The following BRINP3 variants were observed in gnomAD, a reference collection of about 807,000 sequenced individuals.
The protein encoded by BRINP3 is BMP/retinoic acid-inducible neural-specific protein 3.
Under a neutral mutation model 71.0 loss-of-function variants are expected in BRINP3, and 19 were observed. That is an observed-to-expected ratio of 0.27 (90% CI 0.19 to 0.39). BRINP3 has a LOEUF of 0.39. Among genes scored for constraint, BRINP3 ranks in the 10% least tolerant of loss-of-function variants. BRINP3 has a pLI of 1.00. For synonymous variants in BRINP3, 380 were observed against 337.7 expected (o/e 1.13, Z -1.37); for missense variants, 959 against 940.8 (o/e 1.02, Z -0.25).
chr1:190,136,397 T>C (rs1001988446), intron 7 of BRINP3, among the ~76,000 whole-genome samples: 3 of 152,256 alleles, frequency 2.0e-5, no homozygotes, highest in Non-Finnish European at 4.4e-5. Context: ...GCTATGTACC[T>C]AGCCACCACA....
At chr1:190,100,786 T>C (rs1262585552) in intron 7 of BRINP3, among the ~76,000 whole-genome samples, 4 of 152,196 alleles carry the variant, frequency 2.6e-5, no homozygotes, top group Admixed American at 2.6e-4. Flanking sequence ...TTTAATTATT[T>C]CTTATACTGA....
In BRINP3 at chr1:190,156,662, G is replaced by A. The variant is rs867084483; in HGVS notation, c.1184+4006C>T. Among the ~76,000 whole-genome samples the A allele has an allele frequency of 7.1e-4, 108 of 152,070 alleles. 1 individual carries two copies. The highest frequency in any genetic ancestry group is 6.8e-3 in the Middle Eastern group (2 of 292). The stretch of plus-strand genomic sequence containing the variant: ...AATAAACAAATTTATCTAGCAAGAA[G>A]TCTGCATTGTTTTTGTGTGTGTGGT... On this transcript the variant is annotated intron_variant, in intron 7 of 7. Transcript: ENST00000367462.
chr1:190,384,643 T>C (rs2102269556), intron 2 of BRINP3, among the ~76,000 whole-genome samples: 1 of 151,964 alleles, frequency 6.6e-6, no homozygotes, highest in Non-Finnish European at 1.5e-5. Flanking sequence ...CTTACTTTAT[T>C]TGTACCTCAA....
At chr1:190,304,026 A>G (rs1664917487) in intron 2 of BRINP3, among the ~76,000 whole-genome samples, 1 of 151,774 alleles carries the variant, frequency 6.6e-6, no homozygotes, top group Admixed American at 6.6e-5. Flanking sequence ...CAAATAAAAT[A>G]AATGTTTAAT....
rs191054249 is a variant in BRINP3 at position 190,462,892 on chromosome 1, G to A, written c.-50-7952C>T. On this transcript the variant is annotated intron_variant, in intron 1 of 7. Transcript: ENST00000367462. ...ATACTATTATCTCAAGCTATTAAAA[G>A]CAAGCAAGTGTTCTGAGTAACTACA... Among the ~76,000 whole-genome samples, 145 of 152,120 alleles carry A rather than the reference G, an allele frequency of 9.5e-4. 1 individual carries two copies. The highest frequency in any genetic ancestry group is 1.6e-4 in the Non-Finnish European group (11 of 67,914).
intron 2 of BRINP3, among the ~76,000 whole-genome samples, chr1:190,284,867 T>C (rs116374021): frequency 0.015 from 2,291 of 152,156 alleles, 74 homozygotes; most frequent in African/African-American, 0.051. Context: ...AAAAATATTT[T>C]CTTAATTTCA....
At chr1:190,410,581 T>C (rs553943981) in intron 2 of BRINP3, among the ~76,000 whole-genome samples, 2 of 151,708 alleles carry the variant, frequency 1.3e-5, no homozygotes, top group East Asian at 1.9e-4. Flanking sequence ...ATAGAGAATA[T>C]AGGAATGTAA....
chr1:190,454,901 G>A lies in BRINP3; in HGVS notation c.-11C>T. On this transcript the variant is annotated 5_prime_UTR_variant, in exon 2 of 8. Transcript: ENST00000367462. ...GCTTCGCCATATCATGCTTCCACTG[G>A]GGATTTAGAGCCTTCATTCTCTCAG... 1 of 1,606,322 alleles carries A rather than the reference G, an allele frequency of 6.2e-7. No homozygotes were observed. The highest frequency in any genetic ancestry group is 8.5e-7 in the Non-Finnish European group (1 of 1,173,438).
At chr1:190,314,640 G>A (rs1441780952) in intron 2 of BRINP3, among the ~76,000 whole-genome samples, 1 of 152,114 alleles carries the variant, frequency 6.6e-6, no homozygotes, top group East Asian at 1.9e-4. Flanking sequence ...CCTCCAGAAG[G>A]AATTCAGCAC....
At chr1:190,184,050 A>T (rs539543262) in intron 6 of BRINP3, among the ~76,000 whole-genome samples, 1 of 152,248 alleles carries the variant, frequency 6.6e-6, no homozygotes, top group East Asian at 1.9e-4. Flanking sequence ...TATATAGTGC[A>T]TGATATATGA....
At chr1:190,270,339 A>G (rs2102894355) in intron 3 of BRINP3, among the ~76,000 whole-genome samples, 1 of 151,316 alleles carries the variant, frequency 6.6e-6, no homozygotes, top group South Asian at 2.1e-4. Context: ...ATTATTTATT[A>G]TTTATTTATA....
intron 2 of BRINP3, among the ~76,000 whole-genome samples, chr1:190,305,855 T>A (rs1665059132): frequency 6.6e-6 from 1 of 151,910 alleles, no homozygotes; most frequent in Non-Finnish European, 1.5e-5. Flanking sequence ...TTATCCTGAT[T>A]TGATCATTAC....
chr1:190,162,457 T>A (rs1651091412), intron 6 of BRINP3, among the ~76,000 whole-genome samples: 1 of 151,400 alleles, frequency 6.6e-6, no homozygotes, highest in African/African-American at 2.4e-5. Flanking sequence ...AATTCCAATT[T>A]GATCATATCC....
chr1:190,105,718 G>A (rs185439081), intron 7 of BRINP3, among the ~76,000 whole-genome samples: 1 of 152,000 alleles, frequency 6.6e-6, no homozygotes, highest in African/African-American at 2.4e-5. Flanking sequence ...TGGTTAAGTG[G>A]TGTACACAGA....
At chr1:190,276,766 A>G (rs902777724) in intron 3 of BRINP3, among the ~76,000 whole-genome samples, 2 of 151,398 alleles carry the variant, frequency 1.3e-5, no homozygotes, top group South Asian at 4.2e-4. Context: ...TTTTATTCCA[A>G]CAATGAAGAG....
chr1:190,454,314 A>G (rs1675843045), intron 2 of BRINP3, among the ~76,000 whole-genome samples: 1 of 152,198 alleles, frequency 6.6e-6, no homozygotes. Context: ...GCATTGTATA[A>G]GGTAGAAAGG....
intron 1 of BRINP3, among the ~76,000 whole-genome samples, chr1:190,464,578 C>G (rs1398589420): frequency 6.6e-6 from 1 of 151,818 alleles, no homozygotes. Flanking sequence ...GAAATGAACT[C>G]CTGTTTATTT....
chr1:190,236,931 C>T (rs1412085016), intron 4 of BRINP3, among the ~76,000 whole-genome samples: 1 of 151,774 alleles, frequency 6.6e-6, no homozygotes, highest in Non-Finnish European at 1.5e-5. Flanking sequence ...GTAAAATTGG[C>T]ATTAAGCTCA....
intron 2 of BRINP3, among the ~76,000 whole-genome samples, chr1:190,290,925 A>G (rs1663815316): frequency 1.3e-5 from 2 of 151,338 alleles, no homozygotes; most frequent in East Asian, 1.9e-4. Flanking sequence ...GTGTGTGTGT[A>G]TTTGTGGGAA....
Sources: gnomAD v4.1 joint callset for allele counts (sites outside exome capture counted in the v4.1 genomes callset) on GRCh38, gnomAD v4.1.1 for gene constraint, MANE v1.5 for transcripts, NCBI Gene and HGNC (gene_info 2026-07-23, HGNC 2026-07-21) for gene names.